Variants in SRGAP3 observed in about 807,000 individuals in gnomAD.
SRGAP3 encodes the protein SLIT-ROBO Rho GTPase activating protein 3.
SRGAP3 carries 39 observed loss-of-function variants against 121.1 expected under a neutral mutation model. That is an observed-to-expected ratio of 0.32 (90% CI 0.25 to 0.42). The LOEUF (loss-of-function observed/expected upper bound fraction) is 0.42. Among genes scored for constraint, SRGAP3 ranks in the 10% least tolerant of loss-of-function variants. The pLI, the probability that SRGAP3 is intolerant of heterozygous loss-of-function variation, is 1.00. For missense variants in SRGAP3, 1,213 were observed against 1,470.6 expected (o/e 0.82, Z 2.86); for synonymous variants, 601 against 570.0 (o/e 1.05, Z -0.77).
intron 9 of SRGAP3, among the ~76,000 whole-genome samples, chr3:9,051,086 G>A (rs1574980875): frequency 7.5e-6 from 1 of 133,356 alleles, no homozygotes; most frequent in East Asian, 2.4e-4. Context: ...GAGTGCAGTG[G>A]TACAATCACA....
At chr3:9,151,854 A>G (rs1475421782) in intron 1 of SRGAP3, among the ~76,000 whole-genome samples, 1 of 152,230 alleles carries the variant, frequency 6.6e-6, no homozygotes, top group Non-Finnish European at 1.5e-5. Flanking sequence ...GGACAGGGTC[A>G]GAGATAAGCA....
intron 2 of SRGAP3, among the ~76,000 whole-genome samples, chr3:9,110,413 T>G (rs1206582809): frequency 6.6e-6 from 1 of 151,420 alleles, no homozygotes; most frequent in Non-Finnish European, 1.5e-5. Context: ...CAGCAAGGAG[T>G]TGGATGCTAT....
intron 3 of SRGAP3, among the ~76,000 whole-genome samples, chr3:9,280,517 CATAA>C (rs1266793421): frequency 4.6e-5 from 7 of 152,232 alleles, no homozygotes; most frequent in East Asian, 1.9e-4. Context: ...GTTGCTCCGT[CATAA>C]ATAACCAGCT....
chr3:9,147,881 C>T (rs1350341453), intron 1 of SRGAP3, among the ~76,000 whole-genome samples: 2 of 152,098 alleles, frequency 1.3e-5, no homozygotes, highest in Non-Finnish European at 2.9e-5. Flanking sequence ...GTGATGGGGC[C>T]CAGACCCTCA....
chr3:9,138,287 C>CA (rs1491161499), intron 1 of SRGAP3, among the ~76,000 whole-genome samples: 7 of 152,040 alleles, frequency 4.6e-5, no homozygotes, highest in Non-Finnish European at 8.8e-5. Flanking sequence ...GGAACCCCCC[C>CA]CACACAAAAA....
In SRGAP3 at chr3:9,096,937, GTATATATATATATA is replaced by G. The variant is rs58305278; in HGVS notation, c.423+7729_423+7742del. ...AATTATATATTTTTTACATTATTTT[GTATATATATATATA>G]TATATATATATATATATATATATAT... On this transcript the variant is annotated intron_variant, in intron 3 of 21. Coordinates refer to ENST00000383836, the MANE Select transcript of SRGAP3 (RefSeq NM_014850.4). Among the ~76,000 whole-genome samples the G allele has an allele frequency of 1.0e-2, 613 of 61,318 alleles. 16 individuals carry two copies. The highest frequency in any genetic ancestry group is 0.021 in the African/African-American group (454 of 21,282). The allele number at this position is 61,318 out of a possible 152,430, so 40.2% of individuals were successfully genotyped here.
chr3:9,294,101 A>ACT (rs1480762791), intron 3 of SRGAP3, among the ~76,000 whole-genome samples: 1 of 152,214 alleles, frequency 6.6e-6, no homozygotes, highest in East Asian at 1.9e-4. Context: ...TCAATGATAG[A>ACT]CTGGGTAAAG....
At chr3:9,280,320 A>T (rs1954653676) in intron 3 of SRGAP3, among the ~76,000 whole-genome samples, 1 of 152,232 alleles carries the variant, frequency 6.6e-6, no homozygotes, top group Non-Finnish European at 1.5e-5. Context: ...TTGCACACTC[A>T]AGGTGCTGAG....
chr3:9,302,641 G>A (rs1053528311), intron 3 of SRGAP3, among the ~76,000 whole-genome samples: 2 of 152,180 alleles, frequency 1.3e-5, no homozygotes, highest in African/African-American at 4.8e-5. Context: ...TCTAAAATGA[G>A]AGCTTAGACA....
intron 10 of SRGAP3, among the ~76,000 whole-genome samples, chr3:9,044,332 G>C (rs1245689832): frequency 1.3e-5 from 2 of 152,214 alleles, no homozygotes; most frequent in African/African-American, 4.8e-5. Context: ...AACCAAGGCA[G>C]CTACTAAGTG....
At chr3:9,174,564 C>A (rs1250119449) in intron 1 of SRGAP3, among the ~76,000 whole-genome samples, 1 of 152,202 alleles carries the variant, frequency 6.6e-6, no homozygotes, top group Non-Finnish European at 1.5e-5. Context: ...ATGGCAGGTG[C>A]TGCACTGAAG....
intron 10 of SRGAP3, among the ~76,000 whole-genome samples, chr3:9,040,624 T>C (rs1230774619): frequency 6.6e-6 from 1 of 152,072 alleles, no homozygotes; most frequent in Non-Finnish European, 1.5e-5. Context: ...AGTGCAGTGG[T>C]GCAATCACAG....
In SRGAP3 at chr3:9,196,916, T is replaced by A. The variant is rs539086544; in HGVS notation, c.67+51969A>T. ...AGGTCTTCTAATTCCCGTTTCTACATTTTCCACTCTGGCATGATTTCCATT... is the reference window on the plus strand; with the variant it reads ...AGGTCTTCTAATTCCCGTTTCTACAATTTCCACTCTGGCATGATTTCCATT... On this transcript the variant is annotated intron_variant, in intron 1 of 21. Transcript: ENST00000383836. Among the ~76,000 whole-genome samples, 11 of 152,322 alleles carry A rather than the reference T, an allele frequency of 7.2e-5. No individual in the cohort carries two copies. In the South Asian group the frequency reaches 2.3e-3, roughly 32 times the overall value.
chr3:8,994,238 G>C, intron 19 of SRGAP3, 105 bp downstream of exon 19: 3 of 1,434,122 alleles, frequency 2.1e-6, no homozygotes, highest in Non-Finnish European at 2.9e-6. Context: ...ATGATATCAA[G>C]GAGAGCAAAT....
intron 4 of SRGAP3, 26 bp downstream of exon 4, chr3:9,079,999 C>G (rs760234978): frequency 6.2e-7 from 1 of 1,613,718 alleles, no homozygotes; most frequent in African/African-American, 1.3e-5. Flanking sequence ...AATCCCAAAA[C>G]AGCAGTGAGC....
At chr3:9,152,153 A>C (rs2125057127) in intron 1 of SRGAP3, among the ~76,000 whole-genome samples, 1 of 152,354 alleles carries the variant, frequency 6.6e-6, no homozygotes, top group East Asian at 1.9e-4. Context: ...TGCCTGGCTC[A>C]TCATAGGTGC....
At chr3:9,348,987 C>T in intron 1 of SRGAP3, 2 of 917,878 alleles carry the variant, frequency 2.2e-6, no homozygotes, top group Non-Finnish European at 3.7e-6. Flanking sequence ...GTACTAATTG[C>T]AGCCCATGGC....
At chr3:9,349,208 C>T (rs2029928029) in intron 1 of SRGAP3, 32 of 673,848 alleles carry the variant, frequency 4.7e-5, no homozygotes, top group South Asian at 4.1e-4. Context: ...AGCGGGCAGG[C>T]TACTGTCCCC....
intron 1 of SRGAP3, among the ~76,000 whole-genome samples, chr3:9,175,231 C>A (rs1182992952): frequency 6.6e-6 from 1 of 152,200 alleles, no homozygotes; most frequent in Non-Finnish European, 1.5e-5. Flanking sequence ...TCTCAGAACT[C>A]CCACAGCAGG....
Sources: allele counts gnomAD v4.1 joint callset (sites outside exome capture counted in the v4.1 genomes callset), GRCh38; gene constraint gnomAD v4.1.1; transcripts MANE v1.5; gene names NCBI Gene and HGNC (gene_info 2026-07-23, HGNC 2026-07-21).